MAP4: variants seen among roughly 807,000 people sequenced by gnomAD.
MAP4 encodes the protein microtubule-associated protein 4.
In MAP4, 76 loss-of-function variants were observed where a neutral mutation model predicts 170.2. The ratio of observed to expected loss-of-function variants is 0.45; its 90% CI spans 0.37 to 0.54. MAP4 has a LOEUF of 0.54. MAP4 is among the 20% of genes least tolerant of loss of function. The pLI, the probability that MAP4 is intolerant of heterozygous loss-of-function variation, is 0.00. For synonymous variants in MAP4, 909 were observed against 994.5 expected (o/e 0.91, Z 1.62); for missense variants, 2,506 against 2,748.0 (o/e 0.91, Z 1.97).
chr3:47,928,125 A>T (rs1344282547), intron 4 of MAP4, 103 bp downstream of exon 4: 1 of 1,392,214 alleles, frequency 7.2e-7, no homozygotes, highest in Non-Finnish European at 9.9e-7. Flanking sequence ...GTACTTTGTG[A>T]TCTATACTTA....
chr3:47,910,076 G>T lies in MAP4; in HGVS notation c.4345C>A (p.Gln1449Lys), dbSNP rs1394948540. 6.2e-7 allele frequency: 1 copy of T among 1,613,872 alleles called. No homozygotes were observed. ...ACEKLPTPTP[Q>K]VVKEGDSFPD... ...AAGGAATCACCTTCCTTTACTACTT[G>T]AGGAGTAGGAGTGGGCAGTTTTTCA... The change falls in exon 9 of 21, where the codon CAA becomes AAA. Residue 1449 changes from glutamine (Q) to lysine (K), a missense_variant. Gln to Lys is a moderately conservative substitution (Grantham distance 53). Coordinates refer to ENST00000683076, the MANE Select transcript of MAP4 (RefSeq NM_001385682.1).
At position 48,080,390 on chromosome 3, in the gene MAP4, GT is replaced by G. The variant is rs769874525; in HGVS notation, c.-20+8382del. Among the ~76,000 whole-genome samples the G allele has an allele frequency of 2.0e-4, 30 of 152,234 alleles. No homozygotes were observed. In the South Asian group the frequency reaches 4.6e-3, roughly 23 times the overall value. On this transcript the variant is annotated intron_variant, in intron 1 of 18. Transcript: ENST00000360240. ...GAGGAAGAAGTCCAGAAAAAGAATT[GT>G]TTTTGCTCTCAATACTGCTGAAAGT...
chr3:47,853,371 GGA>G lies in MAP4; in HGVS notation c.6697-21_6697-20del. ...CCTCAGTCTACAATGAAACAGTGGGGGAGACAGTGCAGGGTCAGTCGAGGGGG... is the reference window on the plus strand; with the variant it reads ...CCTCAGTCTACAATGAAACAGTGGGGGACAGTGCAGGGTCAGTCGAGGGGG... On this transcript the variant is annotated intron_variant, in intron 19 of 20. Transcript: ENST00000683076. The G allele has an allele frequency of 6.3e-7, 1 of 1,580,168 alleles. No homozygotes were observed. Among genetic ancestry groups the G allele is most frequent in the Non-Finnish European group, 8.6e-7 (1 of 1,164,178 alleles).
At chr3:48,073,984 G>T (rs1019493336) in intron 1 of MAP4, among the ~76,000 whole-genome samples, 1 of 151,804 alleles carries the variant, frequency 6.6e-6, no homozygotes, top group African/African-American at 2.4e-5. Context: ...TATAAATCAT[G>T]TGTCTTTTAA....
At chr3:47,853,926 T>C (rs2049456741) in intron 19 of MAP4, among the ~76,000 whole-genome samples, 1 of 152,144 alleles carries the variant, frequency 6.6e-6, no homozygotes, top group South Asian at 2.1e-4. Flanking sequence ...AGGGACACTG[T>C]GGAGGCCTGG....
intron 17 of MAP4, among the ~76,000 whole-genome samples, chr3:47,858,470 C>A (rs752223957): frequency 6.6e-6 from 1 of 152,106 alleles, no homozygotes; most frequent in Non-Finnish European, 1.5e-5. Context: ...CATGAAATAT[C>A]CCCTTTATTC....
At position 47,909,827 on chromosome 3, in the gene MAP4, C is replaced by T. The variant is rs1254658548; in HGVS notation, c.4594G>A (p.Glu1532Lys). The change falls in exon 9 of 21, where the codon GAG becomes AAG. Residue 1532 changes from glutamate (E) to lysine (K), a missense_variant. Physicochemically the swap from Glu to Lys is moderately conservative, Grantham distance 56. Around this residue, in one of 3 missense-constraint regions of MAP4, gnomAD observed 2,008 missense variants for 2,206.0 expected, o/e 0.91. Transcript: ENST00000683076. Reference protein sequence around the residue: ...HGDHSLKNKAELADSMKNEAG... With the variant: ...HGDHSLKNKAKLADSMKNEAG... ...TCATTTTTCATGGAATCAGCAAGCT[C>T]AGCTTTATTCTTAAGAGAGTGATCT... is the stretch of plus-strand genomic sequence containing the variant. The T allele has an allele frequency of 1.9e-6, 3 of 1,613,872 alleles. No homozygotes were observed. In the African/African-American group the frequency reaches 4.0e-5, roughly 22 times the overall value.
intron 3 of MAP4, among the ~76,000 whole-genome samples, chr3:47,969,324 C>A (rs542326477): frequency 7.3e-5 from 11 of 151,706 alleles, no homozygotes; most frequent in Non-Finnish European, 8.8e-5. Context: ...AAGAGAATCA[C>A]AAGCCCTGGA....
chr3:47,967,330 G>A (rs911880983), intron 3 of MAP4, among the ~76,000 whole-genome samples: 2 of 151,644 alleles, frequency 1.3e-5, no homozygotes, highest in Admixed American at 6.6e-5. Context: ...GCGAGACTCC[G>A]TCACAAAAAA....
intron 19 of MAP4, among the ~76,000 whole-genome samples, chr3:47,853,853 G>A (rs1004681134): frequency 1.3e-5 from 2 of 152,294 alleles, no homozygotes; most frequent in African/African-American, 2.4e-5. Context: ...TTGTCTGTGC[G>A]GGGCACCATT....
At chr3:47,869,068 A>C in intron 16 of MAP4, 146 bp downstream of exon 16, 1 of 662,876 alleles carries the variant, frequency 1.5e-6, no homozygotes, top group Non-Finnish European at 2.6e-6. Context: ...TGGCCGAGTC[A>C]TCAAGCACAG....
chr3:47,857,558 G>T, intron 17 of MAP4, 46 bp from the exon 18 acceptor site: 1 of 1,322,736 alleles, frequency 7.6e-7, no homozygotes, highest in Non-Finnish European at 1.1e-6. Context: ...AAGGTATACT[G>T]TCAGAGCCAA....
chr3:47,991,825 C>A (rs1243308249), intron 2 of MAP4, among the ~76,000 whole-genome samples: 1 of 152,028 alleles, frequency 6.6e-6, no homozygotes, highest in Non-Finnish European at 1.5e-5. Context: ...CCCACCACCA[C>A]GCCCAGCTAA....
At chr3:47,977,995 CA>C in intron 2 of MAP4, 62 bp from the exon 3 acceptor site, 1 of 1,054,148 alleles carries the variant, frequency 9.5e-7, no homozygotes, top group Non-Finnish European at 1.5e-6. Context: ...CAGATCCAAC[CA>C]CTGTCTTATT....
intron 9 of MAP4, among the ~76,000 whole-genome samples, chr3:47,905,530 A>AAAC (rs1287072682): frequency 4.0e-5 from 6 of 151,778 alleles, no homozygotes; most frequent in East Asian, 1.9e-4. Context: ...AAACATACCA[A>AAAC]AACAACAACA....
chr3:48,087,749 A>ACACACACACACGCGCG (rs1559930149), intron 1 of MAP4, among the ~76,000 whole-genome samples: 43 of 116,352 alleles, frequency 3.7e-4, no homozygotes, highest in Admixed American at 1.6e-3. Context: ...GCACGCGCAC[A>ACACACACACACGCGCG]CACACACACA....
At chr3:48,087,419 G>T (rs994748118) in intron 1 of MAP4, among the ~76,000 whole-genome samples, 1 of 152,054 alleles carries the variant, frequency 6.6e-6, no homozygotes, top group African/African-American at 2.4e-5. Context: ...TGCTGGTGGT[G>T]CTCTTTGAAT....
chr3:48,036,056 C>T (rs2100118612), intron 1 of MAP4, among the ~76,000 whole-genome samples: 1 of 152,144 alleles, frequency 6.6e-6, no homozygotes, highest in South Asian at 2.1e-4. Context: ...TAGATAACCC[C>T]ATTTAAAATG....
chr3:47,870,916 C>T lies in MAP4; in HGVS notation c.6191G>A (p.Arg2064Gln). 15 of 1,613,894 alleles carry T rather than the reference C, an allele frequency of 9.3e-6. No homozygotes were observed. The highest frequency in any genetic ancestry group is 4.4e-5 in the South Asian group (4 of 91,026). Residue 2064 changes from arginine to glutamine, a missense_variant, in exon 15 of 21, where the codon CGG becomes CAG. Arg to Gln is a conservative substitution (Grantham distance 43, BLOSUM62 1). Around this residue, in one of 3 missense-constraint regions of MAP4, gnomAD observed 487 missense variants for 511.6 expected, o/e 0.95. Coordinates refer to ENST00000683076, the MANE Select transcript of MAP4 (RefSeq NM_001385682.1). ...AGTATTGGTGGCCAGGCGGCTGAGC[C>T]GGGGGGTGGTGGAGCTGGGTTTGGC... ...TSAKPSSTTP[R>Q]LSRLATNTSA...
Sources: allele counts gnomAD v4.1 joint callset (sites outside exome capture counted in the v4.1 genomes callset), GRCh38; gene constraint gnomAD v4.1.1; regional missense constraint gnomAD v4.1.1; transcripts MANE v1.5; gene names NCBI Gene and HGNC (gene_info 2026-07-23, HGNC 2026-07-21).